The following ENTREP2 variants were observed in gnomAD, a reference collection of about 807,000 sequenced individuals.
ENTREP2 encodes the protein protein ENTREP2.
the ENTREP2 span, among the ~76,000 whole-genome samples, chr15:29,317,998 C>T: frequency 1.3e-5 from 2 of 152,188 alleles, no homozygotes; most frequent in East Asian, 1.9e-4. Context: ...GAATGTCCAC[C>T]GAAACATGGC....
At chr15:29,535,531 AT>A in the ENTREP2 span, among the ~76,000 whole-genome samples, 3 of 151,936 alleles carry the variant, frequency 2.0e-5, no homozygotes, top group Admixed American at 2.0e-4. Context: ...AGAAAAAAAA[AT>A]TTTTTTAATT....
chr15:29,669,101 G>A, the ENTREP2 span, among the ~76,000 whole-genome samples: 1 of 152,328 alleles, frequency 6.6e-6, no homozygotes, highest in East Asian at 1.9e-4. Flanking sequence ...AGCTACTTGG[G>A]AGGCTGAGGC....
At chr15:29,658,485 A>G in the ENTREP2 span, among the ~76,000 whole-genome samples, 5 of 152,152 alleles carry the variant, frequency 3.3e-5, no homozygotes, top group Non-Finnish European at 7.3e-5. Flanking sequence ...GGAATGGGGG[A>G]AGGTAGAATT....
At chr15:29,612,388 G>C in the ENTREP2 span, among the ~76,000 whole-genome samples, 1 of 151,820 alleles carries the variant, frequency 6.6e-6, no homozygotes, top group Non-Finnish European at 1.5e-5. Flanking sequence ...TTCTGGGCTG[G>C]AATTTCTTGT....
the ENTREP2 span, among the ~76,000 whole-genome samples, chr15:29,134,722 A>G: frequency 0.024 from 3,614 of 152,188 alleles, 157 homozygotes; most frequent in African/African-American, 0.083. Context: ...CCAACATGGA[A>G]ACTGCTCCTC....
chr15:29,471,340 CT>C, the ENTREP2 span, among the ~76,000 whole-genome samples: 1 of 152,250 alleles, frequency 6.6e-6, no homozygotes, highest in Non-Finnish European at 1.5e-5. Flanking sequence ...CCAAGAAGGA[CT>C]TCTGACCACA....
chr15:29,458,031 G>A, the ENTREP2 span, among the ~76,000 whole-genome samples: 5 of 152,106 alleles, frequency 3.3e-5, no homozygotes, highest in African/African-American at 1.2e-4. Context: ...TATATCAGAG[G>A]AAATTCATTA....
chr15:29,633,510 A>G, the ENTREP2 span, among the ~76,000 whole-genome samples: 2 of 152,042 alleles, frequency 1.3e-5, no homozygotes, highest in Non-Finnish European at 2.9e-5. Flanking sequence ...TGGAGCCTTC[A>G]GTGTTTTTAA....
the ENTREP2 span, among the ~76,000 whole-genome samples, chr15:29,402,201 A>G: frequency 6.6e-6 from 1 of 151,578 alleles, no homozygotes; most frequent in African/African-American, 2.4e-5. Context: ...GGAATTACAT[A>G]TATTCATTGG....
the ENTREP2 span, among the ~76,000 whole-genome samples, chr15:29,334,822 C>T: frequency 1.3e-5 from 2 of 152,176 alleles, no homozygotes; most frequent in Non-Finnish European, 2.9e-5. Flanking sequence ...AGAAGCCAGA[C>T]ACTATGTAGC....
chr15:29,356,721 T>C, the ENTREP2 span, among the ~76,000 whole-genome samples: 1 of 152,022 alleles, frequency 6.6e-6, no homozygotes, highest in Non-Finnish European at 1.5e-5. Context: ...TCCAATGAAA[T>C]ACTCTGGAAA....
the ENTREP2 span, among the ~76,000 whole-genome samples, chr15:29,448,631 A>C: frequency 5.3e-5 from 8 of 152,356 alleles, no homozygotes; most frequent in Admixed American, 3.9e-4. Context: ...TTTCAAGAAC[A>C]AATCGAGACG....
chr15:29,131,065 A>G, the ENTREP2 span, among the ~76,000 whole-genome samples: 1 of 152,178 alleles, frequency 6.6e-6, no homozygotes, highest in Admixed American at 6.5e-5. Context: ...TGGCTTTTCA[A>G]CAAATAATTC....
chr15:29,303,652 C>T, the ENTREP2 span, among the ~76,000 whole-genome samples: 1 of 150,950 alleles, frequency 6.6e-6, no homozygotes, highest in Admixed American at 6.6e-5. Context: ...CCCCACCCTC[C>T]ACCCTGAAGT....
At chr15:29,390,672 T>C in the ENTREP2 span, among the ~76,000 whole-genome samples, 2 of 152,320 alleles carry the variant, frequency 1.3e-5, no homozygotes, top group South Asian at 2.1e-4. Context: ...GCCCATTTGA[T>C]TGGTACCCTG....
the ENTREP2 span, among the ~76,000 whole-genome samples, chr15:29,648,445 C>T: frequency 1.3e-5 from 2 of 152,216 alleles, no homozygotes; most frequent in Non-Finnish European, 2.9e-5. Flanking sequence ...ATGTTACCCA[C>T]CATGTGTCAG....
At chr15:29,453,021 G>A in the ENTREP2 span, among the ~76,000 whole-genome samples, 1 of 152,140 alleles carries the variant, frequency 6.6e-6, no homozygotes, top group African/African-American at 2.4e-5. Flanking sequence ...AAACATGAAA[G>A]GAAATGCCTC....
the ENTREP2 span, among the ~76,000 whole-genome samples, chr15:29,567,111 G>A: frequency 2.6e-5 from 4 of 152,122 alleles, no homozygotes; most frequent in African/African-American, 9.7e-5. Flanking sequence ...ATCCACAAGG[G>A]AACTGATCCA....
At chr15:29,511,156 G>A in the ENTREP2 span, among the ~76,000 whole-genome samples, 1 of 151,954 alleles carries the variant, frequency 6.6e-6, no homozygotes, top group Non-Finnish European at 1.5e-5. Flanking sequence ...AAACCTGCAG[G>A]TCTGCACATG....
Sources: gnomAD v4.1 joint callset for allele counts (sites outside exome capture counted in the v4.1 genomes callset) on GRCh38, gnomAD v4.1.1 for gene constraint, MANE v1.5 for transcripts, NCBI Gene and HGNC (gene_info 2026-07-23, HGNC 2026-07-21) for gene names.